Variants in PAK5 observed in about 807,000 individuals in gnomAD.
PAK5 encodes p21 (RAC1) activated kinase 5, also known as serine/threonine-protein kinase PAK 5.
Under a neutral mutation model 65.9 loss-of-function variants are expected in PAK5, and 16 were observed. The ratio of observed to expected loss-of-function variants is 0.24; its 90% CI spans 0.16 to 0.37. PAK5 has a LOEUF of 0.37. PAK5 is among the 10% of genes least tolerant of loss of function. The pLI, the probability that PAK5 is intolerant of heterozygous loss-of-function variation, is 1.00. For synonymous variants in PAK5, 371 were observed against 354.9 expected (o/e 1.05, Z -0.51); for missense variants, 785 against 903.9 (o/e 0.87, Z 1.69).
At chr20:9,696,797 A>G (rs972484092) in intron 2 of PAK5, among the ~76,000 whole-genome samples, 1 of 152,034 alleles carries the variant, frequency 6.6e-6, no homozygotes, top group Non-Finnish European at 1.5e-5. Flanking sequence ...TTTAATTTTC[A>G]TTTTTGTGGA....
At chr20:9,590,434 G>C (rs907736410) in intron 3 of PAK5, among the ~76,000 whole-genome samples, 39 of 152,126 alleles carry the variant, frequency 2.6e-4, no homozygotes, top group African/African-American at 9.4e-4. Flanking sequence ...CATATGGTGA[G>C]AGTATGGCTG....
At chr20:9,802,240 G>A (rs1250771985) in intron 1 of PAK5, among the ~76,000 whole-genome samples, 2 of 152,094 alleles carry the variant, frequency 1.3e-5, no homozygotes, top group Admixed American at 6.6e-5. Flanking sequence ...GGGTCAGGAG[G>A]CAAAGGGCAT....
intron 7 of PAK5, among the ~76,000 whole-genome samples, chr20:9,545,628 C>A (rs1437149263): frequency 6.6e-6 from 1 of 152,034 alleles, no homozygotes; most frequent in Non-Finnish European, 1.5e-5. Context: ...TTGGGGTTCC[C>A]TAGGGTTCTG....
Position 9,838,389 on chromosome 20 carries a change from A to C in PAK5, c.-162+373T>G, listed in dbSNP as rs754523202. On this transcript the variant is annotated intron_variant, in intron 1 of 9. Coordinates refer to ENST00000353224, the MANE Select transcript of PAK5 (RefSeq NM_177990.4). The surrounding 1 kb of genome is among the most constrained non-coding windows in gnomAD (Gnocchi z 4.5). ...CCCCAGGGCGTGCGCTGCTGTATAC[A>C]CACAAAGAACTGGTGCTGGGCTTGC... is the stretch of plus-strand genomic sequence containing the variant. Among the ~76,000 whole-genome samples the C allele has an allele frequency of 2.6e-5, 4 of 152,140 alleles. No individual in the cohort carries two copies.
chr20:9,633,346 T>C (rs1298034335), intron 3 of PAK5, among the ~76,000 whole-genome samples: 3 of 152,102 alleles, frequency 2.0e-5, no homozygotes, highest in Non-Finnish European at 2.9e-5. Context: ...ATTTATTTAG[T>C]TTTTGAGACA....
chr20:9,602,932 A>G (rs1441624103), intron 3 of PAK5, among the ~76,000 whole-genome samples: 1 of 152,280 alleles, frequency 6.6e-6, no homozygotes, highest in East Asian at 1.9e-4. Flanking sequence ...CAAAGATGTC[A>G]TCACTCACGA....
chr20:9,598,661 G>A (rs1043731094), intron 3 of PAK5, among the ~76,000 whole-genome samples: 4 of 152,140 alleles, frequency 2.6e-5, no homozygotes, highest in Non-Finnish European at 5.9e-5. Flanking sequence ...TCTGACTGGT[G>A]TGAGATGGTA....
chr20:9,831,710 G>C (rs567397592), intron 1 of PAK5, among the ~76,000 whole-genome samples: 12 of 152,250 alleles, frequency 7.9e-5, no homozygotes, highest in Admixed American at 2.0e-4. Context: ...GTTTTGCCAT[G>C]TTGCTCAGCC....
intron 1 of PAK5, among the ~76,000 whole-genome samples, chr20:9,754,940 A>T (rs2048616826): frequency 6.6e-6 from 1 of 152,212 alleles, no homozygotes; most frequent in South Asian, 2.1e-4. Context: ...GTCTTTAAAA[A>T]GTTTCAAGAG....
intron 2 of PAK5, among the ~76,000 whole-genome samples, chr20:9,706,285 C>A (rs933995629): frequency 6.6e-6 from 1 of 152,098 alleles, no homozygotes; most frequent in Non-Finnish European, 1.5e-5. Context: ...TAAAAGTTGT[C>A]CCATAGAAAG....
chr20:9,731,713 A>T (rs952903967), intron 1 of PAK5, among the ~76,000 whole-genome samples: 4 of 152,238 alleles, frequency 2.6e-5, no homozygotes, highest in African/African-American at 9.6e-5. Context: ...CCTGTTCTAA[A>T]GCAGATACTT....
intron 2 of PAK5, among the ~76,000 whole-genome samples, chr20:9,703,053 T>C (rs2047960153): frequency 6.6e-6 from 1 of 152,174 alleles, no homozygotes; most frequent in African/African-American, 2.4e-5. Context: ...AGATTGTACC[T>C]AAAACCTTTT....
intron 1 of PAK5, among the ~76,000 whole-genome samples, chr20:9,763,884 A>T (rs1363177489): frequency 6.6e-6 from 1 of 152,202 alleles, no homozygotes; most frequent in Non-Finnish European, 1.5e-5. Flanking sequence ...ACACACATAC[A>T]CATATAAATA....
At chr20:9,616,136 A>G (rs764094304) in intron 3 of PAK5, among the ~76,000 whole-genome samples, 10 of 152,202 alleles carry the variant, frequency 6.6e-5, no homozygotes, top group Non-Finnish European at 1.3e-4. Flanking sequence ...AAATAAAGCA[A>G]TGTTGAAACT....
At chr20:9,630,134 T>C (rs1403717353) in intron 3 of PAK5, among the ~76,000 whole-genome samples, 1 of 152,046 alleles carries the variant, frequency 6.6e-6, no homozygotes, top group Non-Finnish European at 1.5e-5. Flanking sequence ...AAGAGGAAGA[T>C]TGGGAGGACA....
At chr20:9,682,915 G>T (rs1417095709) in intron 2 of PAK5, among the ~76,000 whole-genome samples, 1 of 152,162 alleles carries the variant, frequency 6.6e-6, no homozygotes, top group Non-Finnish European at 1.5e-5. Flanking sequence ...CTAGAAGGTA[G>T]CTTTATATAT....
chr20:9,727,866 T>G (rs995688658), intron 1 of PAK5, among the ~76,000 whole-genome samples: 6 of 152,096 alleles, frequency 3.9e-5, no homozygotes, highest in Non-Finnish European at 8.8e-5. Flanking sequence ...GCTACCTTCC[T>G]TTTTGGCAAC....
intron 2 of PAK5, among the ~76,000 whole-genome samples, chr20:9,679,846 A>G (rs2047625992): frequency 6.6e-6 from 1 of 152,234 alleles, no homozygotes; most frequent in African/African-American, 2.4e-5. Flanking sequence ...ATTGTGATGG[A>G]CAAAAGCGCA....
In PAK5 at chr20:9,716,208, A is replaced by T. The variant is rs372439203; in HGVS notation, c.-161-4773T>A. On this transcript the variant is annotated intron_variant, in intron 1 of 9. Transcript: ENST00000353224. ...GTTTTAAACTATTATTGCTAGGATCACTAGGACTTAGTAAAAAGCAATGCC... is the reference window on the plus strand; with the variant it reads ...GTTTTAAACTATTATTGCTAGGATCTCTAGGACTTAGTAAAAAGCAATGCC... Among the ~76,000 whole-genome samples, 16 of 84,860 alleles carry T rather than the reference A, an allele frequency of 1.9e-4. 1 individual carries two copies. In the South Asian group the frequency reaches 8.0e-3, roughly 43 times the overall value. The allele number at this position is 84,860 out of a possible 152,430, so 55.7% of individuals were successfully genotyped here.
Sources: gnomAD v4.1 joint callset for allele counts (sites outside exome capture counted in the v4.1 genomes callset) on GRCh38, gnomAD v4.1.1 for gene constraint, Gnocchi (gnomAD v3.1) non-coding constraint, MANE v1.5 for transcripts, NCBI Gene and HGNC (gene_info 2026-07-23, HGNC 2026-07-21) for gene names.